The following SLC24A3 variants were observed in gnomAD, a reference collection of about 807,000 sequenced individuals.
SLC24A3 encodes the protein sodium/potassium/calcium exchanger 3.
In SLC24A3, 28 loss-of-function variants were observed where a neutral mutation model predicts 75.8. The ratio of observed to expected loss-of-function variants is 0.37; its 90% confidence interval spans 0.27 to 0.51. SLC24A3 has a LOEUF of 0.51. Ranked by LOEUF, SLC24A3 falls within the 20% of genes least tolerant of loss-of-function variation. The pLI is 0.94. For missense variants in SLC24A3, 663 were observed against 847.8 expected (o/e 0.78, Z 2.71); for synonymous variants, 372 against 334.1 (o/e 1.11, Z -1.24).
intron 6 of SLC24A3, among the ~76,000 whole-genome samples, chr20:19,613,193 A>G (rs1181947672): frequency 6.6e-6 from 1 of 152,192 alleles, no homozygotes; most frequent in East Asian, 1.9e-4. Flanking sequence ...ATCATCATGA[A>G]CATGCTGTAT....
chr20:19,365,948 A>G (rs1460219106), intron 2 of SLC24A3, among the ~76,000 whole-genome samples: 1 of 152,206 alleles, frequency 6.6e-6, no homozygotes, highest in Non-Finnish European at 1.5e-5. Flanking sequence ...GGCAAGGACT[A>G]TATTTAAGCC....
At chr20:19,481,730 A>C (rs1427082101) in intron 2 of SLC24A3, among the ~76,000 whole-genome samples, 4 of 152,104 alleles carry the variant, frequency 2.6e-5, no homozygotes, top group Non-Finnish European at 5.9e-5. Flanking sequence ...TCAGCATTTC[A>C]TTCCACCTAC....
At chr20:19,537,017 T>C (rs1389420902) in intron 3 of SLC24A3, among the ~76,000 whole-genome samples, 1 of 152,104 alleles carries the variant, frequency 6.6e-6, no homozygotes. Flanking sequence ...AAAGCCAAAA[T>C]TGACAAATGG....
At chr20:19,356,883 C>A (rs745873860) in intron 2 of SLC24A3, among the ~76,000 whole-genome samples, 20 of 132,380 alleles carry the variant, frequency 1.5e-4, no homozygotes, top group Non-Finnish European at 2.7e-4. Flanking sequence ...ATAATTCCTG[C>A]AGTCTGATGA....
intron 6 of SLC24A3, among the ~76,000 whole-genome samples, chr20:19,633,567 T>G (rs1169661449): frequency 7.0e-6 from 1 of 141,850 alleles, no homozygotes; most frequent in Non-Finnish European, 1.5e-5. Context: ...GAGAATGGCG[T>G]GAACCCGGGA....
intron 2 of SLC24A3, among the ~76,000 whole-genome samples, chr20:19,416,369 C>A: frequency 6.6e-6 from 1 of 152,374 alleles, no homozygotes; most frequent in East Asian, 1.9e-4. Flanking sequence ...TATGGGAAGA[C>A]AACTCCAGCC....
intron 2 of SLC24A3, among the ~76,000 whole-genome samples, chr20:19,335,168 G>A (rs961650724): frequency 1.3e-5 from 2 of 152,150 alleles, no homozygotes; most frequent in Admixed American, 6.5e-5. Flanking sequence ...ATCATGGATA[G>A]TGAAAGTCTA....
At chr20:19,670,584 G>A (rs1359768451) in intron 8 of SLC24A3, among the ~76,000 whole-genome samples, 1 of 152,238 alleles carries the variant, frequency 6.6e-6, no homozygotes, top group Non-Finnish European at 1.5e-5. Flanking sequence ...TTTCATTAAA[G>A]TTGATTCATT....
chr20:19,340,290 C>T (rs1006268), intron 2 of SLC24A3, among the ~76,000 whole-genome samples: 74,899 of 151,972 alleles, frequency 0.49, 19,754 homozygotes, highest in African/African-American at 0.67. Context: ...AAGGCAGTTG[C>T]TGGGAGGCTG....
chr20:19,228,511 G>C (rs1981929832), intron 1 of SLC24A3, among the ~76,000 whole-genome samples: 1 of 152,208 alleles, frequency 6.6e-6, no homozygotes, highest in Non-Finnish European at 1.5e-5. Context: ...TGGGCGTGGT[G>C]GTGGGCGCCT....
intron 2 of SLC24A3, among the ~76,000 whole-genome samples, chr20:19,468,612 A>G (rs1987809507): frequency 6.6e-6 from 1 of 152,198 alleles, no homozygotes; most frequent in African/African-American, 2.4e-5. Context: ...CACCTCTAAG[A>G]GCAGGGAGCA....
rs554359444 is a variant in SLC24A3 at position 19,720,857 on chromosome 20, C to G, written c.1786-134C>G. ...TGAGACGAGAGGTGGATTTTGCAGG[C>G]TCAGAGAGGATCAGCACCCTGCCCG... On this transcript the variant is annotated intron_variant, in intron 16 of 16. Transcript: ENST00000328041. 3.0e-4 allele frequency: 275 copies of G among 908,130 alleles called. 1 individual carries two copies. Among genetic ancestry groups the G allele is most frequent in the Non-Finnish European group, 2.4e-5 (15 of 614,588 alleles). 56.3% of individuals were successfully genotyped at this position (908,130 alleles called of 1,614,324 possible).
At chr20:19,481,125 A>G (rs1471935973) in intron 2 of SLC24A3, among the ~76,000 whole-genome samples, 3 of 152,198 alleles carry the variant, frequency 2.0e-5, no homozygotes, top group Admixed American at 6.5e-5. Flanking sequence ...AGTAATGAGA[A>G]ACAGCCTCTG....
chr20:19,477,986 G>A (rs1987989743), intron 2 of SLC24A3, among the ~76,000 whole-genome samples: 1 of 152,184 alleles, frequency 6.6e-6, no homozygotes, highest in African/African-American at 2.4e-5. Flanking sequence ...CAGGTCCCTG[G>A]ACATCAATTC....
chr20:19,587,867 TCA>T, intron 6 of SLC24A3, among the ~76,000 whole-genome samples: 1 of 152,350 alleles, frequency 6.6e-6, no homozygotes, highest in Middle Eastern at 3.4e-3. Context: ...TAAGTCAGTC[TCA>T]GTTAGACACC....
chr20:19,375,589 A>G (rs1986070729), intron 2 of SLC24A3, among the ~76,000 whole-genome samples: 1 of 152,214 alleles, frequency 6.6e-6, no homozygotes, highest in Non-Finnish European at 1.5e-5. Context: ...GCCTTATGTT[A>G]TGTGAGAGGA....
At chr20:19,253,856 G>A (rs1982733659) in intron 1 of SLC24A3, among the ~76,000 whole-genome samples, 1 of 152,214 alleles carries the variant, frequency 6.6e-6, no homozygotes, top group Admixed American at 6.5e-5. Context: ...GGCCTGATGA[G>A]CCAGGCCACA....
intron 6 of SLC24A3, among the ~76,000 whole-genome samples, chr20:19,609,893 A>G (rs8118182): frequency 0.045 from 6,836 of 152,268 alleles, 546 homozygotes; most frequent in African/African-American, 0.16. Flanking sequence ...GATAGCAGTA[A>G]CTGGAACTTT....
At chr20:19,681,146 A>G (rs528962690) in intron 9 of SLC24A3, among the ~76,000 whole-genome samples, 2 of 152,340 alleles carry the variant, frequency 1.3e-5, no homozygotes, top group East Asian at 1.9e-4. Context: ...AACTTGTACA[A>G]GCTTCTTCCC....
Sources: allele counts gnomAD v4.1 joint callset (sites outside exome capture counted in the v4.1 genomes callset), GRCh38; gene constraint gnomAD v4.1.1; transcripts MANE v1.5; gene names NCBI Gene and HGNC (gene_info 2026-07-23, HGNC 2026-07-21).